The following PLXNA4 variants were observed in gnomAD, a reference collection of about 807,000 sequenced individuals.
PLXNA4 encodes plexin-A4.
PLXNA4 carries 44 observed loss-of-function variants against 191.8 expected under a neutral mutation model. The observed-to-expected ratio is 0.23, with a 90% confidence interval of 0.18 to 0.29. The LOEUF (loss-of-function observed/expected upper bound fraction) is 0.29, where lower values mean the gene tolerates loss of function less well. Among genes scored for constraint, PLXNA4 ranks in the 10% least tolerant of loss-of-function variants. The pLI is 1.00. For synonymous variants in PLXNA4, 1,082 were observed against 1,009.5 expected (o/e 1.07, Z -1.36); for missense variants, 1,800 against 2,488.8 (o/e 0.72, Z 5.89).
At position 132,471,268 on chromosome 7, in the gene PLXNA4, A is replaced by G. The variant is rs115957770; in HGVS notation, c.1371+18024T>C. Among the ~76,000 whole-genome samples the G allele has an allele frequency of 2.2e-3, 334 of 152,282 alleles. 4 individuals are homozygous for G. The highest frequency in any genetic ancestry group is 7.8e-3 in the African/African-American group (323 of 41,546). On this transcript the variant is annotated intron_variant, in intron 3 of 31. Transcript: ENST00000321063. Reference sequence around the variant, plus strand: ...ATACACCCTGTAGGACCATGAGCCAATTACACCTCTTTTCTTTATAAAGTA... The same window carrying G: ...ATACACCCTGTAGGACCATGAGCCAGTTACACCTCTTTTCTTTATAAAGTA...
chr7:132,477,552 G>T (rs57588017), intron 3 of PLXNA4, among the ~76,000 whole-genome samples: 6,252 of 152,246 alleles, frequency 0.041, 209 homozygotes, highest in African/African-American at 0.083. Flanking sequence ...TAAACTTGGG[G>T]GTCATTTGTT....
chr7:132,216,303 T>C (rs368915368), intron 9 of PLXNA4, among the ~76,000 whole-genome samples: 1 of 152,196 alleles, frequency 6.6e-6, no homozygotes. Context: ...GAATATATAA[T>C]TGTATGATCT....
chr7:132,623,792 T>C (rs1803320053), intron 2 of PLXNA4, among the ~76,000 whole-genome samples: 1 of 152,166 alleles, frequency 6.6e-6, no homozygotes, highest in Non-Finnish European at 1.5e-5. Flanking sequence ...AACCCCCAGG[T>C]TGTACAGCAC....
chr7:132,254,186 C>T (rs557445927), intron 4 of PLXNA4, among the ~76,000 whole-genome samples: 12 of 152,298 alleles, frequency 7.9e-5, no homozygotes, highest in East Asian at 1.9e-4. Flanking sequence ...TTGGTTACTT[C>T]ATCTATCTGT....
At chr7:132,477,311 T>C (rs1321642161) in intron 3 of PLXNA4, among the ~76,000 whole-genome samples, 1 of 152,188 alleles carries the variant, frequency 6.6e-6, no homozygotes, top group Non-Finnish European at 1.5e-5. Context: ...CACCATTCAC[T>C]TTGGCTGGGC....
At chr7:132,251,964 T>A (rs929982559) in intron 4 of PLXNA4, among the ~76,000 whole-genome samples, 1 of 152,214 alleles carries the variant, frequency 6.6e-6, no homozygotes, top group African/African-American at 2.4e-5. Flanking sequence ...TCTAGGTTTA[T>A]CAACATAGGG....
chr7:132,486,842 A>C (rs960685362), intron 3 of PLXNA4, among the ~76,000 whole-genome samples: 2 of 151,702 alleles, frequency 1.3e-5, no homozygotes, highest in African/African-American at 4.8e-5. Flanking sequence ...CGACTGCTGG[A>C]CTCTGTCCTT....
rs1327174280 is a variant in PLXNA4, at chr7:132,420,517, G to A, written c.1371+68775C>T. Among the ~76,000 whole-genome samples, 3 of 152,186 alleles carry A rather than the reference G, an allele frequency of 2.0e-5. No individual in the cohort carries two copies. The East Asian group carries it at 5.8e-4, about 29-fold the overall frequency. ...CCACAGGGCTCCCACCTGCCCCACA[G>A]GTGCCTCTGCACAACAAAAAGTTCT... On this transcript the variant is annotated intron_variant, in intron 3 of 31. Transcript: ENST00000321063.
At chr7:132,437,592 A>G (rs1795525805) in intron 3 of PLXNA4, among the ~76,000 whole-genome samples, 1 of 150,474 alleles carries the variant, frequency 6.6e-6, no homozygotes, top group Admixed American at 6.6e-5. Flanking sequence ...AAAACAGAAA[A>G]AGCCACCAGC....
chr7:132,157,637 T>C (rs1264659268), intron 25 of PLXNA4, among the ~76,000 whole-genome samples: 2 of 151,932 alleles, frequency 1.3e-5, no homozygotes, highest in Non-Finnish European at 2.9e-5. Flanking sequence ...CTATCACAGC[T>C]CCCCCTCTTG....
chr7:132,411,377 T>C (rs1251142007), intron 3 of PLXNA4, among the ~76,000 whole-genome samples: 2 of 152,194 alleles, frequency 1.3e-5, no homozygotes, highest in Admixed American at 6.5e-5. Context: ...CCACTTCTGA[T>C]GCGTAATTGA....
At chr7:132,522,306 C>A (rs891730233) in intron 1 of PLXNA4, among the ~76,000 whole-genome samples, 1 of 152,224 alleles carries the variant, frequency 6.6e-6, no homozygotes, top group South Asian at 2.1e-4. Context: ...CCTTCATAGG[C>A]AATAAGCCAC....
intron 1 of PLXNA4, among the ~76,000 whole-genome samples, chr7:132,518,017 G>A (rs1184142808): frequency 6.6e-6 from 1 of 151,932 alleles, no homozygotes; most frequent in Non-Finnish European, 1.5e-5. Context: ...TTAAACTCTT[G>A]GTTTCTAGAA....
chr7:132,387,755 G>A (rs1805214796), intron 3 of PLXNA4, among the ~76,000 whole-genome samples: 2 of 152,230 alleles, frequency 1.3e-5, no homozygotes, highest in Admixed American at 1.3e-4. Flanking sequence ...GATTGTGGGC[G>A]GCCCACGCAG....
intron 1 of PLXNA4, among the ~76,000 whole-genome samples, chr7:132,528,323 G>T (rs979903045): frequency 6.6e-6 from 1 of 152,138 alleles, no homozygotes; most frequent in African/African-American, 2.4e-5. Flanking sequence ...TCCTAGTCCC[G>T]ATCCATGCTC....
At chr7:132,187,652 G>A (rs762447570) in intron 14 of PLXNA4, 45 bp from the exon 15 acceptor site, 3 of 1,571,900 alleles carry the variant, frequency 1.9e-6, no homozygotes, top group Non-Finnish European at 2.6e-6. Flanking sequence ...GGAAGGGGTG[G>A]AGGAGGCTTC....
chr7:132,439,331 G>A (rs945818323), intron 3 of PLXNA4, among the ~76,000 whole-genome samples: 1 of 152,094 alleles, frequency 6.6e-6, no homozygotes, highest in Non-Finnish European at 1.5e-5. Context: ...CTGCAAACTG[G>A]TCTCTCAGAA....
In PLXNA4 at chr7:132,505,586, C is replaced by T. The variant is rs138167531; in HGVS notation, c.1188+1920G>A. ...ATTACATGTATGCATGTATGGGTGT[C>T]CTGCAGGCAAGGGGGATTCTCTTCA... On this transcript the variant is annotated intron_variant, in intron 2 of 31. Transcript: ENST00000321063. 2.9e-3 allele frequency among the ~76,000 whole-genome samples: 448 copies of T among 152,264 alleles called. 2 individuals are homozygous for T. Among genetic ancestry groups the T allele is most frequent in the Admixed American group, 9.2e-3 (140 of 15,298 alleles).
At chr7:132,546,092 G>A (rs922934543) in intron 1 of PLXNA4, among the ~76,000 whole-genome samples, 1 of 152,258 alleles carries the variant, frequency 6.6e-6, no homozygotes, top group African/African-American at 2.4e-5. Context: ...ACCTACATCT[G>A]GTTCCCCTCT....
Sources: gnomAD v4.1 joint callset for allele counts (sites outside exome capture counted in the v4.1 genomes callset) on GRCh38, gnomAD v4.1.1 for gene constraint, MANE v1.5 for transcripts, NCBI Gene and HGNC (gene_info 2026-07-23, HGNC 2026-07-21) for gene names.